TMEM117: variants seen among roughly 807,000 people sequenced by gnomAD.
The protein encoded by TMEM117 is transmembrane protein 117.
In TMEM117, 27 loss-of-function variants were observed where a neutral mutation model predicts 52.4. That is an observed-to-expected ratio of 0.51 (90% CI 0.38 to 0.71). The LOEUF is 0.71. Ranked by LOEUF, TMEM117 falls within the 30% of genes least tolerant of loss-of-function variation. TMEM117 has a pLI of 0.00. For synonymous variants in TMEM117, 215 were observed against 206.3 expected (o/e 1.04, Z -0.36); for missense variants, 556 against 630.5 (o/e 0.88, Z 1.26).
Position 44,032,643 on chromosome 12 carries a change from G to A in TMEM117, c.410+88301G>A, listed in dbSNP as rs756398790. Among the ~76,000 whole-genome samples, 33 of 152,124 alleles carry A rather than the reference G, an allele frequency of 2.2e-4. 1 individual carries two copies. The highest frequency in any genetic ancestry group is 5.9e-4 in the Admixed American group (9 of 15,270). On this transcript the variant is annotated intron_variant, in intron 3 of 7. Coordinates refer to ENST00000266534, the MANE Select transcript of TMEM117 (RefSeq NM_032256.3). Reference sequence around the variant, plus strand: ...ATTTTGCTGTTGTATTCTTGGTGTAGGAATGAAGGACAAGCTTATTAAATG... The same window carrying A: ...ATTTTGCTGTTGTATTCTTGGTGTAAGAATGAAGGACAAGCTTATTAAATG...
intron 6 of TMEM117, among the ~76,000 whole-genome samples, chr12:44,312,023 A>C (rs1390746394): frequency 6.6e-6 from 1 of 151,232 alleles, no homozygotes; most frequent in African/African-American, 2.4e-5. Context: ...GGGAAGGAAA[A>C]GGTCATGGAG....
intron 5 of TMEM117, among the ~76,000 whole-genome samples, chr12:44,211,967 G>C (rs987706490): frequency 6.6e-6 from 1 of 152,188 alleles, no homozygotes; most frequent in African/African-American, 2.4e-5. Context: ...AGCAAGAAGG[G>C]CACTTTCACG....
chr12:44,016,798 C>T (rs1946380208), intron 3 of TMEM117, among the ~76,000 whole-genome samples: 1 of 152,154 alleles, frequency 6.6e-6, no homozygotes, highest in Non-Finnish European at 1.5e-5. Flanking sequence ...CACAAACCAC[C>T]TTTATAATTT....
At chr12:44,122,061 T>TG (rs1948245328) in intron 3 of TMEM117, among the ~76,000 whole-genome samples, 1 of 151,476 alleles carries the variant, frequency 6.6e-6, no homozygotes, top group African/African-American at 2.4e-5. Context: ...TTTTTTTTTT[T>TG]TTGAGACAGA....
chr12:43,840,353 A>C (rs1943098269), intron 1 of TMEM117, among the ~76,000 whole-genome samples: 1 of 152,364 alleles, frequency 6.6e-6, no homozygotes, highest in East Asian at 1.9e-4. Flanking sequence ...GCTCATCAGC[A>C]TAGTATCTGG....
At chr12:43,884,728 A>G (rs1344437700) in intron 2 of TMEM117, among the ~76,000 whole-genome samples, 1 of 152,214 alleles carries the variant, frequency 6.6e-6, no homozygotes, top group East Asian at 1.9e-4. Context: ...CAAAAGAAAA[A>G]GCAGATAAGC....
chr12:44,339,794 T>C (rs1445905644), intron 6 of TMEM117, among the ~76,000 whole-genome samples: 1 of 151,824 alleles, frequency 6.6e-6, no homozygotes, highest in Non-Finnish European at 1.5e-5. Flanking sequence ...GAGGATTCAA[T>C]ATTATCAATA....
intron 2 of TMEM117, among the ~76,000 whole-genome samples, chr12:43,908,668 GAAAAC>G: frequency 6.6e-6 from 1 of 151,698 alleles, no homozygotes; most frequent in African/African-American, 2.4e-5. Context: ...CAAGCAAATG[GAAAAC>G]AAAAAAAGGC....
At chr12:44,317,314 T>G (rs1951069369) in intron 6 of TMEM117, among the ~76,000 whole-genome samples, 1 of 150,926 alleles carries the variant, frequency 6.6e-6, no homozygotes, top group African/African-American at 2.4e-5. Flanking sequence ...TTTTTTTTAA[T>G]TTTTCTTTGT....
Position 44,382,873 on chromosome 12 carries a change from G to T in TMEM117, c.899-5153G>T, listed in dbSNP as rs535829024. On this transcript the variant is annotated intron_variant, in intron 7 of 7. Transcript: ENST00000266534. ...CCTCATGACCCAAGCACTTAATGTG[G>T]TTTCTAGATATCCCTAAATTGCCTA... Among the ~76,000 whole-genome samples, 8 of 152,150 alleles carry T rather than the reference G, an allele frequency of 5.3e-5. No individual in the cohort carries two copies. In the South Asian group the frequency reaches 1.4e-3, roughly 28 times the overall value.
chr12:44,339,076 A>G (rs994816632), intron 6 of TMEM117, among the ~76,000 whole-genome samples: 1 of 151,986 alleles, frequency 6.6e-6, no homozygotes, highest in South Asian at 2.1e-4. Context: ...TACCCTACCC[A>G]CTGCTTCTCA....
At chr12:44,269,259 A>G (rs915068117) in intron 5 of TMEM117, among the ~76,000 whole-genome samples, 2 of 151,836 alleles carry the variant, frequency 1.3e-5, no homozygotes, top group Non-Finnish European at 2.9e-5. Flanking sequence ...AAAGGCATAA[A>G]TTTAAAAGGA....
intron 6 of TMEM117, among the ~76,000 whole-genome samples, chr12:44,354,768 A>G (rs1408016750): frequency 6.6e-6 from 1 of 152,018 alleles, no homozygotes; most frequent in African/African-American, 2.4e-5. Flanking sequence ...CAAGACAGGG[A>G]TGTCCTCTCT....
At chr12:44,006,754 T>C (rs1946203882) in intron 3 of TMEM117, among the ~76,000 whole-genome samples, 1 of 152,118 alleles carries the variant, frequency 6.6e-6, no homozygotes, top group South Asian at 2.1e-4. Flanking sequence ...TTTTTTTTTG[T>C]TTATAAAATA....
chr12:43,877,864 G>A lies in TMEM117; in HGVS notation c.277+32936G>A, dbSNP rs571219431. The stretch of plus-strand genomic sequence containing the variant: ...TACCAGTTGCAAAGTAATATGGATA[G>A]TATGGTTCTTTTTTTGTAAAAACAA... On this transcript the variant is annotated intron_variant, in intron 2 of 7. Coordinates refer to ENST00000266534, the MANE Select transcript of TMEM117 (RefSeq NM_032256.3). Among the ~76,000 whole-genome samples, 8 of 150,350 alleles carry A rather than the reference G, an allele frequency of 5.3e-5. No individual in the cohort carries two copies. The South Asian group carries it at 6.3e-4, about 12-fold the overall frequency.
intron 3 of TMEM117, among the ~76,000 whole-genome samples, chr12:44,139,790 G>T (rs1452169810): frequency 1.3e-5 from 2 of 152,108 alleles, no homozygotes; most frequent in African/African-American, 2.4e-5. Flanking sequence ...GCCCAAATCA[G>T]TAGGTATATG....
At chr12:44,154,246 C>A (rs1424002439) in intron 4 of TMEM117, among the ~76,000 whole-genome samples, 2 of 152,010 alleles carry the variant, frequency 1.3e-5, no homozygotes, top group Non-Finnish European at 2.9e-5. Context: ...CCATTTCCAA[C>A]GATATCAGTT....
chr12:44,059,417 C>A (rs1052558100), intron 3 of TMEM117, among the ~76,000 whole-genome samples: 2 of 152,048 alleles, frequency 1.3e-5, no homozygotes, highest in Non-Finnish European at 2.9e-5. Context: ...AGGAGAGAAG[C>A]TTAGTTTTTG....
chr12:44,206,252 C>T (rs1014902375), intron 4 of TMEM117, among the ~76,000 whole-genome samples: 1 of 152,208 alleles, frequency 6.6e-6, no homozygotes, highest in Non-Finnish European at 1.5e-5. Context: ...AGACACAGCT[C>T]GCTCATGCTA....
Sources: gnomAD v4.1 joint callset for allele counts (sites outside exome capture counted in the v4.1 genomes callset) on GRCh38, gnomAD v4.1.1 for gene constraint, MANE v1.5 for transcripts, NCBI Gene and HGNC (gene_info 2026-07-23, HGNC 2026-07-21) for gene names.